The following NGF variants were observed in gnomAD, a reference collection of about 807,000 sequenced individuals.
NGF encodes the protein beta-nerve growth factor.
Under a neutral mutation model 12.8 loss-of-function variants are expected in NGF, and 4 were observed. That is an observed-to-expected ratio of 0.31 (90% CI 0.15 to 0.72). The LOEUF (loss-of-function observed/expected upper bound fraction) is 0.72, where lower values mean the gene tolerates loss of function less well. NGF is among the 30% of genes least tolerant of loss of function. NGF has a pLI of 0.69. For missense variants in NGF, 283 were observed against 330.8 expected, an observed-to-expected ratio of 0.86 and a Z score of 1.12; for synonymous variants, 140 against 130.0, an observed-to-expected ratio of 1.08 and a Z score of -0.52.
At chr1:115,295,529 G>A (rs1653840719) in intron 1 of NGF, among the ~76,000 whole-genome samples, 1 of 152,158 alleles carries the variant, frequency 6.6e-6, no homozygotes, top group African/African-American at 2.4e-5. Context: ...CTCATGGGAA[G>A]ATGGTTTCGT....
At chr1:115,297,287 C>T (rs1653901449) in intron 1 of NGF, among the ~76,000 whole-genome samples, 1 of 152,202 alleles carries the variant, frequency 6.6e-6, no homozygotes, top group Non-Finnish European at 1.5e-5. Flanking sequence ...CTTGTTCCTC[C>T]TCATGGGGTG....
intron 1 of NGF, among the ~76,000 whole-genome samples, chr1:115,300,160 A>G (rs1653992576): frequency 6.6e-6 from 1 of 152,204 alleles, no homozygotes; most frequent in South Asian, 2.1e-4. Context: ...TTTCTAAGCA[A>G]TAGGTCAAGA....
intron 1 of NGF, among the ~76,000 whole-genome samples, chr1:115,305,398 C>T (rs1193823945): frequency 6.6e-6 from 1 of 152,146 alleles, no homozygotes; most frequent in African/African-American, 2.4e-5. Flanking sequence ...CAATTCACTC[C>T]TTTTTAACCC....
intron 1 of NGF, among the ~76,000 whole-genome samples, chr1:115,315,761 G>A (rs539742501): frequency 4.9e-4 from 74 of 152,248 alleles, no homozygotes; most frequent in Admixed American, 4.7e-3. Flanking sequence ...GGACTTGTCT[G>A]GCATAGGGAG....
At chr1:115,326,523 G>A (rs1370437910) in intron 1 of NGF, among the ~76,000 whole-genome samples, 1 of 152,134 alleles carries the variant, frequency 6.6e-6, no homozygotes, top group African/African-American at 2.4e-5. Context: ...CGACTCCTGG[G>A]ACTGGAACCT....
intron 1 of NGF, among the ~76,000 whole-genome samples, chr1:115,330,479 C>T (rs1255877650): frequency 6.6e-6 from 1 of 152,194 alleles, no homozygotes; most frequent in African/African-American, 2.4e-5. Context: ...GTTGTGGTGA[C>T]TCTATCAATC....
chr1:115,305,378 C>T (rs1654174096), intron 1 of NGF, among the ~76,000 whole-genome samples: 1 of 152,146 alleles, frequency 6.6e-6, no homozygotes, highest in African/African-American at 2.4e-5. Flanking sequence ...AGCCCAGGTC[C>T]CTTGCTCTGC....
At chr1:115,291,115 G>A (rs1352884759) in intron 2 of NGF, among the ~76,000 whole-genome samples, 6 of 152,080 alleles carry the variant, frequency 3.9e-5, no homozygotes, top group Non-Finnish European at 4.4e-5. Flanking sequence ...CAGGCAGAAT[G>A]TTTCATTAAG....
chr1:115,318,608 C>T (rs917660114), intron 1 of NGF, among the ~76,000 whole-genome samples: 1 of 152,200 alleles, frequency 6.6e-6, no homozygotes, highest in African/African-American at 2.4e-5. Flanking sequence ...CACCAGCCTC[C>T]ACCCCTATAT....
At chr1:115,290,865 T>A (rs1189117012) in intron 2 of NGF, among the ~76,000 whole-genome samples, 1 of 152,250 alleles carries the variant, frequency 6.6e-6, no homozygotes, top group African/African-American at 2.4e-5. Flanking sequence ...ACTGTGAGTA[T>A]GTAGACAAGT....
chr1:115,314,864 T>C (rs1654433477), intron 1 of NGF, among the ~76,000 whole-genome samples: 1 of 152,172 alleles, frequency 6.6e-6, no homozygotes, highest in South Asian at 2.1e-4. Context: ...CCGTTGGTGA[T>C]AAGTGCTGGA....
intron 1 of NGF, among the ~76,000 whole-genome samples, chr1:115,313,608 G>T (rs1654394854): frequency 6.6e-6 from 1 of 151,978 alleles, no homozygotes; most frequent in Non-Finnish European, 1.5e-5. Flanking sequence ...TCTTTGAAAT[G>T]CATAATTGTT....
rs1020238414 is a variant in NGF at position 115,325,860 on chromosome 1, T to C, written c.-137+12344A>G. 3.3e-5 allele frequency among the ~76,000 whole-genome samples: 5 copies of C among 152,256 alleles called. No individual in the cohort carries two copies. In the East Asian group the frequency reaches 7.7e-4, roughly 24 times the overall value. ...GTGAGAGGGAAGGCAGAATCAAGTATGGTTTCTAGATTACTCTGTGGGAAT... is the reference window on the plus strand; with the variant it reads ...GTGAGAGGGAAGGCAGAATCAAGTACGGTTTCTAGATTACTCTGTGGGAAT... On this transcript the variant is annotated intron_variant, in intron 1 of 2. Coordinates refer to ENST00000369512, the MANE Select transcript of NGF (RefSeq NM_002506.3).
chr1:115,323,858 G>A (rs1451825434), intron 1 of NGF, among the ~76,000 whole-genome samples: 1 of 152,218 alleles, frequency 6.6e-6, no homozygotes. Flanking sequence ...AGGTGGCCCT[G>A]AGGGCACAGA....
chr1:115,332,735 G>A (rs561280418), intron 1 of NGF, among the ~76,000 whole-genome samples: 36 of 152,234 alleles, frequency 2.4e-4, no homozygotes, highest in South Asian at 8.3e-4. Flanking sequence ...GGACAGGAGA[G>A]GCCCTCCTAT....
rs1040438295 is a variant in NGF, at chr1:115,311,096, AAAG to A, written c.-136-17349_-136-17347del. On this transcript the variant is annotated intron_variant, in intron 1 of 2. Transcript: ENST00000369512. ...ACTTGTCCCAAGCCACATAGGCTAG[AAAG>A]AAGAAGATTTATCTAGTTCCAAAGC... Among the ~76,000 whole-genome samples the A allele has an allele frequency of 3.8e-4, 58 of 152,230 alleles. 2 individuals are homozygous for A. Among genetic ancestry groups the A allele is most frequent in the Non-Finnish European group, 1.0e-4 (7 of 68,044 alleles).
intron 2 of NGF, among the ~76,000 whole-genome samples, chr1:115,292,926 G>A (rs1470401295): frequency 1.3e-5 from 2 of 151,786 alleles, no homozygotes; most frequent in Admixed American, 6.6e-5. Context: ...AGGTACCAGC[G>A]CCTGTGGGGT....
chr1:115,302,711 G>T (rs1263777253), intron 1 of NGF, among the ~76,000 whole-genome samples: 1 of 152,146 alleles, frequency 6.6e-6, no homozygotes, highest in Non-Finnish European at 1.5e-5. Context: ...AGAGAGTGTC[G>T]CCTTTTGTCC....
chr1:115,311,132 G>A (rs551469774), intron 1 of NGF, among the ~76,000 whole-genome samples: 1 of 152,170 alleles, frequency 6.6e-6, no homozygotes, highest in Non-Finnish European at 1.5e-5. Context: ...AGCACAAAAA[G>A]CATTGATTTT....
Sources: gnomAD v4.1 joint callset for allele counts (sites outside exome capture counted in the v4.1 genomes callset) on GRCh38, gnomAD v4.1.1 for gene constraint, MANE v1.5 for transcripts, NCBI Gene and HGNC (gene_info 2026-07-23, HGNC 2026-07-21) for gene names.